ANKRD30A: variants seen among roughly 807,000 people sequenced by gnomAD.
ANKRD30A encodes ankyrin repeat domain 30A.
Under a neutral mutation model 166.3 loss-of-function variants are expected in ANKRD30A, and 170 were observed. That is an observed-to-expected ratio of 1.02 (90% CI 0.90 to 1.16). The LOEUF is 1.16. Among genes scored for constraint, ANKRD30A ranks in the 50% most tolerant of loss-of-function variants. The pLI is 0.00. For missense variants in ANKRD30A, 1,630 were observed against 1,518.0 expected (o/e 1.07, Z -1.23); for synonymous variants, 564 against 508.9 (o/e 1.11, Z -1.46).
chr10:37,212,206 G>A lies in ANKRD30A; in HGVS notation c.2870-3975G>A, dbSNP rs535677002. On this transcript the variant is annotated intron_variant, in intron 31 of 35. Transcript: ENST00000361713. ...CAAAATCAATGTGCAAAAATCACAA[G>A]CATTGTTATACACCAATAACAGACA... Among the ~76,000 whole-genome samples the A allele has an allele frequency of 3.3e-5, 5 of 152,144 alleles. No homozygotes were observed. The South Asian group carries it at 8.3e-4, about 25-fold the overall frequency.
Position 37,200,842 on chromosome 10 carries a change from G to A in ANKRD30A, c.2779-393G>A, listed in dbSNP as rs767385804. Among the ~76,000 whole-genome samples, 4 of 152,006 alleles carry A rather than the reference G, an allele frequency of 2.6e-5. 1 individual carries two copies. The highest frequency in any genetic ancestry group is 5.9e-5 in the Non-Finnish European group (4 of 67,972). ...TTGTATGATCATGCATATTTTACAT[G>A]TTTAATGCAGTATCTGTTATGGCAA... On this transcript the variant is annotated intron_variant, in intron 30 of 35. Coordinates refer to ENST00000361713, the MANE Select transcript of ANKRD30A (RefSeq NM_052997.3).
intron 31 of ANKRD30A, among the ~76,000 whole-genome samples, chr10:37,205,380 A>C (rs1841925393): frequency 6.9e-6 from 1 of 145,478 alleles, no homozygotes; most frequent in Admixed American, 6.9e-5. Context: ...GTTCTCACCC[A>C]TAGGTGGGAA....
intron 6 of ANKRD30A, 29 bp downstream of exon 6, chr10:37,136,700 G>A (rs370214541): frequency 2.0e-5 from 25 of 1,266,280 alleles, no homozygotes; most frequent in Non-Finnish European, 2.8e-5. Flanking sequence ...AACTACCCTT[G>A]GTGGTGCTAT....
intron 24 of ANKRD30A, among the ~76,000 whole-genome samples, chr10:37,179,044 A>C (rs1352759182): frequency 9.7e-6 from 1 of 103,590 alleles, no homozygotes; most frequent in African/African-American, 3.0e-5. Context: ...ATATATATAT[A>C]TATATATATA....
chr10:37,196,181 ACT>A (rs1841089891), intron 27 of ANKRD30A, among the ~76,000 whole-genome samples: 2 of 148,604 alleles, frequency 1.3e-5, no homozygotes, highest in South Asian at 2.1e-4. Flanking sequence ...AATTCTGGAG[ACT>A]CTGAGCAAAA....
intron 34 of ANKRD30A, among the ~76,000 whole-genome samples, chr10:37,229,118 T>C (rs746711108): frequency 6.6e-6 from 1 of 151,936 alleles, no homozygotes; most frequent in Non-Finnish European, 1.5e-5. Context: ...ATCACCTACA[T>C]TGGAGCTTCT....
rs766930419 is a variant in ANKRD30A at position 37,132,366 on chromosome 10, A to T, written c.617+20A>T. On this transcript the variant is annotated intron_variant, in intron 4 of 35. Coordinates refer to ENST00000361713, the MANE Select transcript of ANKRD30A (RefSeq NM_052997.3). ...TAAATGGTATAGTAGTTCTTTTTTT[A>T]TTAAAAAACACTTGAGTAGTGTTCT... The T allele has an allele frequency of 1.4e-6, 2 of 1,416,952 alleles. No individual in the cohort carries two copies. Among genetic ancestry groups the T allele is most frequent in the Non-Finnish European group, 1.9e-6 (2 of 1,039,476 alleles). 87.8% of individuals were successfully genotyped at this position (1,416,952 alleles called of 1,614,324 possible).
At position 37,141,973 on chromosome 10, in the gene ANKRD30A, G is replaced by C. The variant is rs756620752; in HGVS notation, c.1076G>C (p.Arg359Thr). 1 of 1,614,156 alleles carries C rather than the reference G, an allele frequency of 6.2e-7. No individual in the cohort carries two copies. The highest frequency in any genetic ancestry group is 8.5e-7 in the Non-Finnish European group (1 of 1,180,034). ...GAACAGTCAGCAGAAGAAACACCTA[G>C]GGAAATTACGAGTCCTGCAAAAGAA... is the stretch of plus-strand genomic sequence containing the variant. Reference protein sequence around the residue: ...KFEQSAEETPREITSPAKETS... With the variant: ...KFEQSAEETPTEITSPAKETS... The change falls in exon 7 of 36, where the codon AGG becomes ACG. Residue 359 changes from arginine to threonine, a missense_variant. By Grantham distance (71) the Arg-to-Thr change is moderately conservative. Around this residue, in one of 4 missense-constraint regions of ANKRD30A, gnomAD observed 904 missense variants for 818.5 expected, o/e 1.10. Transcript: ENST00000361713.
Position 37,132,288 on chromosome 10 carries a change from A to G in ANKRD30A, c.559A>G (p.Ile187Val), listed in dbSNP as rs778578643. Reference sequence around the variant, plus strand: ...ATCCATAACGAAAAGAAGTGAGCAAATTGTGGAATTTTTGCTGATAAAAAA... The same window carrying G: ...ATCCATAACGAAAAGAAGTGAGCAAGTTGTGGAATTTTTGCTGATAAAAAA... ...LLSITKRSEQ[I>V]VEFLLIKNAN... The change falls in exon 4 of 36, where the codon ATT (isoleucine) becomes GTT (valine). Residue 187 changes from isoleucine (I) to valine (V), a missense_variant. By Grantham distance (29) the Ile-to-Val change is conservative. Transcript: ENST00000361713. The G allele has an allele frequency of 6.2e-7, 1 of 1,607,738 alleles. No homozygotes were observed. The highest frequency in any genetic ancestry group is 1.1e-5 in the South Asian group (1 of 89,032).
intron 34 of ANKRD30A, among the ~76,000 whole-genome samples, chr10:37,224,540 T>A (rs1390820917): frequency 6.6e-6 from 1 of 151,046 alleles, no homozygotes; most frequent in Non-Finnish European, 1.5e-5. Context: ...ATGTATGACC[T>A]AAAAAAGAGT....
chr10:37,151,457 G>C (rs1189555254), intron 11 of ANKRD30A, among the ~76,000 whole-genome samples: 1 of 152,048 alleles, frequency 6.6e-6, no homozygotes, highest in Non-Finnish European at 1.5e-5. Context: ...TGTAATTGAA[G>C]CAGTTGTTAA....
At chr10:37,127,559 G>T (rs1237264416) in intron 1 of ANKRD30A, among the ~76,000 whole-genome samples, 1 of 152,060 alleles carries the variant, frequency 6.6e-6, no homozygotes, top group Non-Finnish European at 1.5e-5. Flanking sequence ...GCTTTATAGA[G>T]AATTCACTCA....
At chr10:37,204,363 G>A (rs958403999) in intron 31 of ANKRD30A, among the ~76,000 whole-genome samples, 7 of 152,086 alleles carry the variant, frequency 4.6e-5, no homozygotes, top group African/African-American at 1.4e-4. Flanking sequence ...AACAAGAAAT[G>A]GGGAAAGGAT....
At chr10:37,246,721 C>T in the ANKRD30A span, among the ~76,000 whole-genome samples, 2 of 152,082 alleles carry the variant, frequency 1.3e-5, no homozygotes, top group African/African-American at 4.8e-5. Context: ...GATATAGAGG[C>T]ATTAAGGATG....
At chr10:37,224,539 C>A (rs1843049443) in intron 34 of ANKRD30A, among the ~76,000 whole-genome samples, 1 of 150,448 alleles carries the variant, frequency 6.6e-6, no homozygotes, top group Non-Finnish European at 1.5e-5. Flanking sequence ...TATGTATGAC[C>A]TAAAAAAGAG....
chr10:37,203,830 C>G (rs1841810638), intron 31 of ANKRD30A, among the ~76,000 whole-genome samples: 1 of 152,172 alleles, frequency 6.6e-6, no homozygotes, highest in South Asian at 2.1e-4. Context: ...CACAAGCACT[C>G]TTATACACCA....
chr10:37,193,892 C>G (rs1326960424), intron 27 of ANKRD30A, among the ~76,000 whole-genome samples: 1 of 152,126 alleles, frequency 6.6e-6, no homozygotes, highest in East Asian at 1.9e-4. Context: ...TTCCCGTGAA[C>G]GTTTACAACA....
chr10:37,202,846 A>G (rs1841734597), intron 31 of ANKRD30A, among the ~76,000 whole-genome samples: 1 of 152,220 alleles, frequency 6.6e-6, no homozygotes, highest in African/African-American at 2.4e-5. Context: ...ACCATCAGAG[A>G]ATACTATAAA....
At chr10:37,257,205 A>T in the ANKRD30A span, among the ~76,000 whole-genome samples, 3 of 150,886 alleles carry the variant, frequency 2.0e-5, no homozygotes, top group Admixed American at 6.6e-5. Flanking sequence ...GTATTCTCTG[A>T]TGGTAGTTTT....
Sources: gnomAD v4.1 joint callset for allele counts (sites outside exome capture counted in the v4.1 genomes callset) on GRCh38, gnomAD v4.1.1 for gene constraint, gnomAD v4.1.1 regional missense constraint, MANE v1.5 for transcripts, NCBI Gene and HGNC (gene_info 2026-07-23, HGNC 2026-07-21) for gene names.